The following TENM4 variants were observed in gnomAD, a reference collection of about 807,000 sequenced individuals.
The protein encoded by TENM4 is teneurin-4.
TENM4 carries 82 observed loss-of-function variants against 243.3 expected under a neutral mutation model. The observed-to-expected ratio is 0.34, with a 90% CI of 0.28 to 0.40. The LOEUF (loss-of-function observed/expected upper bound fraction) is 0.40, where lower values mean the gene tolerates loss of function less well. Among genes scored for constraint, TENM4 ranks in the 10% least tolerant of loss-of-function variants. TENM4 has a pLI of 1.00. For synonymous variants in TENM4, 1,412 were observed against 1,456.3 expected (o/e 0.97, Z 0.69); for missense variants, 3,138 against 3,673.3 (o/e 0.85, Z 3.77).
At chr11:79,034,652 C>A in intron 6 of TENM4, among the ~76,000 whole-genome samples, 1 of 152,050 alleles carries the variant, frequency 6.6e-6, no homozygotes, top group Non-Finnish European at 1.5e-5. Flanking sequence ...TTTTGGAACA[C>A]TCTATCTGTA....
At chr11:79,412,762 C>T (rs1207178236) in intron 1 of TENM4, among the ~76,000 whole-genome samples, 2 of 152,212 alleles carry the variant, frequency 1.3e-5, no homozygotes, top group Non-Finnish European at 2.9e-5. Flanking sequence ...ATCATGTTTT[C>T]GTGCATGCAT....
chr11:78,900,654 C>T (rs574652774), intron 7 of TENM4, among the ~76,000 whole-genome samples: 73 of 152,268 alleles, frequency 4.8e-4, no homozygotes, highest in Non-Finnish European at 1.0e-3. Flanking sequence ...TTGAGAGGCA[C>T]GAATTCTTAT....
intron 1 of TENM4, among the ~76,000 whole-genome samples, chr11:79,405,541 C>G (rs1259788405): frequency 6.6e-6 from 1 of 151,268 alleles, no homozygotes; most frequent in East Asian, 1.9e-4. Flanking sequence ...GAAATAACAA[C>G]CAGTAACACT....
chr11:79,005,083 G>A (rs571123260), intron 6 of TENM4, among the ~76,000 whole-genome samples: 5 of 151,884 alleles, frequency 3.3e-5, no homozygotes, highest in East Asian at 1.9e-4. Flanking sequence ...ATCCCTGAAC[G>A]TACCAATAAT....
chr11:79,285,823 C>A (rs1289952559), intron 2 of TENM4, among the ~76,000 whole-genome samples: 1 of 151,202 alleles, frequency 6.6e-6, no homozygotes, highest in Non-Finnish European at 1.5e-5. Context: ...TCAGAACAGG[C>A]AAGTCCATAA....
intron 16 of TENM4, among the ~76,000 whole-genome samples, chr11:78,779,122 T>G (rs771671672): frequency 2.0e-5 from 3 of 152,206 alleles, no homozygotes; most frequent in Admixed American, 6.5e-5. Context: ...TACGCAAAAT[T>G]TGAATCATCT....
At chr11:78,730,805 C>A (rs1301407225) in intron 21 of TENM4, among the ~76,000 whole-genome samples, 1 of 152,170 alleles carries the variant, frequency 6.6e-6, no homozygotes, top group Non-Finnish European at 1.5e-5. Flanking sequence ...AACGTTTACC[C>A]TCACCCCATT....
In TENM4 at chr11:79,082,550, G is replaced by T. The variant is rs918729585; in HGVS notation, c.-65-12541C>A. On this transcript the variant is annotated intron_variant, in intron 4 of 33. Coordinates refer to ENST00000278550, the MANE Select transcript of TENM4 (RefSeq NM_001098816.3). ...CACATTTAATCTATGCCTGAGAACT[G>T]CCCTGATACCCCAGAAAAATGCACA... is the stretch of plus-strand genomic sequence containing the variant. Among the ~76,000 whole-genome samples the T allele has an allele frequency of 3.9e-4, 54 of 136,992 alleles. 1 individual carries two copies. Among genetic ancestry groups the T allele is most frequent in the Non-Finnish European group, 2.0e-4 (12 of 59,254 alleles). The allele number at this position is 136,992 out of a possible 152,430, so 89.9% of individuals were successfully genotyped here. A position where few individuals can be genotyped will look rare whatever the true frequency, so the allele number is the denominator to read the frequency against.
chr11:78,693,366 G>C (rs931391286), intron 28 of TENM4, among the ~76,000 whole-genome samples: 3 of 152,190 alleles, frequency 2.0e-5, no homozygotes, highest in African/African-American at 7.2e-5. Flanking sequence ...ACAGCTCGTA[G>C]AGGAATATAA....
chr11:79,277,566 C>T (rs1856080095), intron 2 of TENM4, among the ~76,000 whole-genome samples: 1 of 152,152 alleles, frequency 6.6e-6, no homozygotes, highest in Admixed American at 6.5e-5. Flanking sequence ...TGTTTCAACA[C>T]TGGCAGAAAA....
chr11:78,921,885 A>C (rs1243294563), intron 6 of TENM4, among the ~76,000 whole-genome samples: 1 of 152,208 alleles, frequency 6.6e-6, no homozygotes, highest in African/African-American at 2.4e-5. Context: ...ACTGGTACCT[A>C]CTATGTCCAA....
In TENM4 at chr11:78,880,317, G is replaced by A. The variant is rs183806997; in HGVS notation, c.1084+9468C>T. ...AAGTACCCAGGGACACAAACACTGC[G>A]GAAGGCCGCAGGGACCTCTGCCTAG... On this transcript the variant is annotated intron_variant, in intron 9 of 33. Coordinates refer to ENST00000278550, the MANE Select transcript of TENM4 (RefSeq NM_001098816.3). 1.5e-4 allele frequency among the ~76,000 whole-genome samples: 23 copies of A among 152,224 alleles called. 1 individual carries two copies. The East Asian group carries it at 1.5e-3, about 10-fold the overall frequency.
At chr11:79,363,806 T>G (rs1857630655) in intron 1 of TENM4, among the ~76,000 whole-genome samples, 1 of 152,254 alleles carries the variant, frequency 6.6e-6, no homozygotes, top group Admixed American at 6.5e-5. Flanking sequence ...TTTATCCATC[T>G]AATTTTTATG....
In TENM4 at chr11:79,142,326, A is replaced by C. The variant is rs144023442; in HGVS notation, c.-66+6384T>G. 5.8e-4 allele frequency among the ~76,000 whole-genome samples: 88 copies of C among 151,774 alleles called. 3 individuals carry two copies. The East Asian group carries it at 0.012, about 20-fold the overall frequency. ...ATGTAAAAATATCAGTAGGATTTCT[A>C]TATGCCAACAGCAAACAATCAGAAA... On this transcript the variant is annotated intron_variant, in intron 4 of 33. Coordinates refer to ENST00000278550, the MANE Select transcript of TENM4 (RefSeq NM_001098816.3).
At chr11:79,029,271 C>T (rs1207115395) in intron 6 of TENM4, among the ~76,000 whole-genome samples, 1 of 152,180 alleles carries the variant, frequency 6.6e-6, no homozygotes, top group Non-Finnish European at 1.5e-5. Flanking sequence ...TAGCGGAGAG[C>T]TAATACACAA....
intron 18 of TENM4, among the ~76,000 whole-genome samples, chr11:78,767,789 T>C (rs1224661372): frequency 1.3e-5 from 2 of 152,230 alleles, no homozygotes; most frequent in African/African-American, 4.8e-5. Context: ...CTGTATACCC[T>C]GTCATGGCTG....
intron 4 of TENM4, among the ~76,000 whole-genome samples, chr11:79,078,071 C>T (rs745933281): frequency 2.4e-4 from 36 of 152,148 alleles, no homozygotes; most frequent in Admixed American, 1.6e-3. Flanking sequence ...CTGGAGCATT[C>T]GCAGAGAGAC....
intron 6 of TENM4, among the ~76,000 whole-genome samples, chr11:79,024,872 A>G (rs1859034229): frequency 6.6e-6 from 1 of 152,218 alleles, no homozygotes; most frequent in Admixed American, 6.5e-5. Flanking sequence ...CACACACCAG[A>G]AAGCAATGGG....
Position 78,730,947 on chromosome 11 carries a change from A to G in TENM4, c.3139-1304T>C, listed in dbSNP as rs147678896. Among the ~76,000 whole-genome samples, 12 of 152,320 alleles carry G rather than the reference A, an allele frequency of 7.9e-5. No individual in the cohort carries two copies. In the East Asian group the frequency reaches 1.7e-3, roughly 22 times the overall value. On this transcript the variant is annotated intron_variant, in intron 21 of 33. Transcript: ENST00000278550. ...CTGGCATGACTGAAGTGCCATCCTG[A>G]TGCTCTCAAAAATATTTACCTTCTT... is the stretch of plus-strand genomic sequence containing the variant.
Sources: allele counts gnomAD v4.1 joint callset (sites outside exome capture counted in the v4.1 genomes callset), GRCh38; gene constraint gnomAD v4.1.1; transcripts MANE v1.5; gene names NCBI Gene and HGNC (gene_info 2026-07-23, HGNC 2026-07-21).